The following KDM4C variants were observed in gnomAD, a reference collection of about 807,000 sequenced individuals.
KDM4C encodes lysine-specific demethylase 4C.
KDM4C carries 81 observed loss-of-function variants against 129.3 expected under a neutral mutation model. That is an observed-to-expected ratio of 0.63 (90% CI 0.52 to 0.75). The LOEUF (loss-of-function observed/expected upper bound fraction) is 0.75, where lower values mean the gene tolerates loss of function less well. Ranked by LOEUF, KDM4C falls within the 30% of genes least tolerant of loss-of-function variation. KDM4C has a pLI of 0.00. For synonymous variants in KDM4C, 573 were observed against 456.1 expected (o/e 1.26, Z -3.26); for missense variants, 1,457 against 1,304.0 (o/e 1.12, Z -1.81).
intron 17 of KDM4C, among the ~76,000 whole-genome samples, chr9:7,087,191 T>G (rs1485337316): frequency 6.6e-6 from 1 of 150,940 alleles, no homozygotes; most frequent in Non-Finnish European, 1.5e-5. Flanking sequence ...GGCATATAAC[T>G]CAGAAAGAGT....
At chr9:6,917,795 A>G (rs2131158570) in intron 8 of KDM4C, among the ~76,000 whole-genome samples, 1 of 152,274 alleles carries the variant, frequency 6.6e-6, no homozygotes, top group East Asian at 1.9e-4. Context: ...CCCGGTGCCC[A>G]TACACTTGAA....
intron 4 of KDM4C, among the ~76,000 whole-genome samples, chr9:6,836,525 A>G (rs1237007528): frequency 6.6e-6 from 1 of 152,152 alleles, no homozygotes; most frequent in Non-Finnish European, 1.5e-5. Context: ...TCAGGGACCA[A>G]CCACTCTTTT....
At chr9:7,137,332 C>T (rs1841319412) in intron 19 of KDM4C, among the ~76,000 whole-genome samples, 1 of 152,180 alleles carries the variant, frequency 6.6e-6, no homozygotes, top group African/African-American at 2.4e-5. Context: ...AATCAACTTC[C>T]ATTTAATACA....
chr9:6,804,669 A>G (rs1042338573), intron 2 of KDM4C, among the ~76,000 whole-genome samples: 1 of 151,536 alleles, frequency 6.6e-6, no homozygotes, highest in African/African-American at 2.4e-5. Context: ...GAGGTGGGAG[A>G]ATCGCTTGAA....
intron 8 of KDM4C, among the ~76,000 whole-genome samples, chr9:6,980,582 C>G (rs373671330): frequency 1.3e-5 from 2 of 152,038 alleles, no homozygotes; most frequent in South Asian, 4.2e-4. Flanking sequence ...CTTTACAGAC[C>G]TTTTAGCGCT....
chr9:6,728,260 A>C (rs1212970330), intron 1 of KDM4C, among the ~76,000 whole-genome samples: 1 of 151,970 alleles, frequency 6.6e-6, no homozygotes, highest in African/African-American at 2.4e-5. Context: ...TCTTGGCCGG[A>C]TGTGGTGGCT....
At chr9:6,925,465 C>A in intron 8 of KDM4C, 1 of 813,504 alleles carries the variant, frequency 1.2e-6, no homozygotes, top group Non-Finnish European at 1.5e-6. Flanking sequence ...CCCTCTCCTC[C>A]CCTCTTTTCA....
At position 6,752,463 on chromosome 9, in the gene KDM4C, T is replaced by C. The variant is rs145445254; in HGVS notation, c.49+31466T>C. 4.5e-3 allele frequency among the ~76,000 whole-genome samples: 657 copies of C among 144,832 alleles called. 10 individuals carry two copies. The highest frequency in any genetic ancestry group is 0.016 in the African/African-American group (615 of 38,932). On this transcript the variant is annotated intron_variant, in intron 1 of 17. Coordinates refer to the KDM4C transcript ENST00000536108. ...TTCGCTCTTGTTGCCCAAGCTGGAA[T>C]GCAATGGCATGATCTCGGCTTACTG...
chr9:6,774,974 C>A (rs1320572818), intron 1 of KDM4C, among the ~76,000 whole-genome samples: 2 of 152,110 alleles, frequency 1.3e-5, no homozygotes, highest in Non-Finnish European at 2.9e-5. Flanking sequence ...AATGGACTTA[C>A]GCTTTGGTTA....
intron 1 of KDM4C, among the ~76,000 whole-genome samples, chr9:6,788,970 G>A (rs1466388222): frequency 2.0e-5 from 3 of 152,166 alleles, no homozygotes; most frequent in Admixed American, 2.0e-4. Context: ...GAGTATTGTT[G>A]GAGTGTAAAG....
intron 21 of KDM4C, among the ~76,000 whole-genome samples, chr9:7,173,628 T>TAC (rs1845173095): frequency 6.6e-6 from 1 of 152,164 alleles, no homozygotes; most frequent in African/African-American, 2.4e-5. Flanking sequence ...GGCTTCAAGG[T>TAC]ACATGCAGGA....
chr9:7,045,880 T>C (rs1401094682), intron 15 of KDM4C, among the ~76,000 whole-genome samples: 1 of 152,060 alleles, frequency 6.6e-6, no homozygotes, highest in Non-Finnish European at 1.5e-5. Context: ...ACCTCATTAA[T>C]AGTAGATCAG....
At chr9:6,866,207 A>C (rs1841947512) in intron 5 of KDM4C, among the ~76,000 whole-genome samples, 2 of 151,404 alleles carry the variant, frequency 1.3e-5, no homozygotes, top group African/African-American at 4.9e-5. Context: ...GGTTACTATT[A>C]AATATGTCTA....
chr9:6,741,135 C>T (rs984312960), intron 1 of KDM4C, among the ~76,000 whole-genome samples: 10 of 152,188 alleles, frequency 6.6e-5, no homozygotes, highest in Admixed American at 5.2e-4. Context: ...CAGTGGCTCA[C>T]ACCTGTAATC....
chr9:7,062,518 GCTGGGAATA>G (rs1230510488), intron 17 of KDM4C, among the ~76,000 whole-genome samples: 1 of 152,112 alleles, frequency 6.6e-6, no homozygotes, highest in Non-Finnish European at 1.5e-5. Context: ...CTTCTGAGTA[GCTGGGAATA>G]CAGGTTTGCA....
At chr9:6,962,561 TG>T (rs1241962042) in intron 8 of KDM4C, among the ~76,000 whole-genome samples, 1 of 152,208 alleles carries the variant, frequency 6.6e-6, no homozygotes, top group Admixed American at 6.5e-5. Flanking sequence ...ATCCTATAAA[TG>T]TTTTCAGCAT....
At chr9:6,838,304 C>A (rs1836254067) in intron 4 of KDM4C, among the ~76,000 whole-genome samples, 1 of 152,192 alleles carries the variant, frequency 6.6e-6, no homozygotes, top group African/African-American at 2.4e-5. Flanking sequence ...TTTGCGCTAT[C>A]TCTCTGCAGT....
At chr9:7,145,720 G>A (rs1842162158) in intron 19 of KDM4C, among the ~76,000 whole-genome samples, 2 of 152,222 alleles carry the variant, frequency 1.3e-5, no homozygotes, top group Non-Finnish European at 2.9e-5. Context: ...GATCTCTAGA[G>A]CAAAACTGAA....
At chr9:6,761,547 C>T (rs1400960448) in intron 1 of KDM4C, among the ~76,000 whole-genome samples, 4 of 151,886 alleles carry the variant, frequency 2.6e-5, no homozygotes, top group Non-Finnish European at 4.4e-5. Flanking sequence ...CTGAAACTCC[C>T]GGGCTCAAGC....
Sources: gnomAD v4.1 joint callset for allele counts (sites outside exome capture counted in the v4.1 genomes callset) on GRCh38, gnomAD v4.1.1 for gene constraint, MANE v1.5 for transcripts, NCBI Gene and HGNC (gene_info 2026-07-23, HGNC 2026-07-21) for gene names.